The following CFAP221 variants were observed in gnomAD, a reference collection of about 807,000 sequenced individuals.
CFAP221 encodes the protein cilia and flagella associated protein 221.
Under a neutral mutation model 113.1 loss-of-function variants are expected in CFAP221, and 97 were observed. The observed-to-expected ratio is 0.86, with a 90% CI of 0.73 to 1.02. The LOEUF (loss-of-function observed/expected upper bound fraction) is 1.02. Ranked by LOEUF, CFAP221 falls within the 50% of genes least tolerant of loss-of-function variation. The probability of loss-of-function intolerance (pLI) is 0.00; values close to 1 mark genes in which losing one functional copy is unlikely to be tolerated. For missense variants in CFAP221, 1,025 were observed against 1,013.4 expected, an observed-to-expected ratio of 1.01 and a Z score of -0.16; for synonymous variants, 331 against 354.4, an observed-to-expected ratio of 0.93 and a Z score of 0.74.
chr2:119,615,678 C>A lies in CFAP221; in HGVS notation c.1379C>A (p.Ala460Glu), dbSNP rs1685473125. ...INNTWLSRSRAQKRFQQVARK... is the reference protein window; with the variant it reads ...INNTWLSRSREQKRFQQVARK... ...AACACTTGGCTCAGCAGGTCCAGGG[C>A]ACAAAAACGGTTTCAACAAGTAGCA... Residue 460 changes from alanine to glutamate, a missense_variant, in exon 14 of 24, where the codon GCA becomes GAA. Ala to Glu is a moderately radical substitution (Grantham distance 107, BLOSUM62 -1). Transcript: ENST00000413369. 6.2e-7 allele frequency: 1 copy of A among 1,612,770 alleles called. No homozygotes were observed. The highest frequency in any genetic ancestry group is 1.3e-5 in the African/African-American group (1 of 74,976).
At chr2:119,565,459 A>G (rs1161507045) in intron 6 of CFAP221, among the ~76,000 whole-genome samples, 5 of 152,168 alleles carry the variant, frequency 3.3e-5, no homozygotes, top group Admixed American at 6.5e-5. Context: ...GTTGAGAACA[A>G]TGATTTATAA....
intron 6 of CFAP221, among the ~76,000 whole-genome samples, chr2:119,574,420 A>G (rs760570376): frequency 6.6e-6 from 1 of 152,240 alleles, no homozygotes; most frequent in Non-Finnish European, 1.5e-5. Flanking sequence ...ACTATTAGAA[A>G]AAGTGTTCAT....
At position 119,604,781 on chromosome 2, in the gene CFAP221, C is replaced by T. The variant is rs993289980; in HGVS notation, c.901C>T (p.Gln301Ter). The change falls in exon 9 of 24, where the codon CAG becomes TAG. Residue 301 changes from glutamine to a stop codon, truncating the protein, a stop_gained. Coordinates refer to ENST00000413369, the MANE Select transcript of CFAP221 (RefSeq NM_001271049.2). LOFTEE classifies it high-confidence loss of function. ...CCGACCGCCAGCGAAGCCGAAGCCT[C>T]AGAAGGTGAAGGTACGGTGGGCCTT... is the stretch of plus-strand genomic sequence containing the variant. ...FHRPPAKPKP[Q>*]KVKEIEYQNL... is the part of the protein sequence containing the mutation. 6.4e-6 allele frequency: 10 copies of T among 1,551,628 alleles called. No individual in the cohort carries two copies. The highest frequency in any genetic ancestry group is 2.2e-5 in the Admixed American group (1 of 46,440).
Position 119,627,649 on chromosome 2 carries a change from A to G in CFAP221, c.1517-4A>G, listed in dbSNP as rs201953894. The G allele has an allele frequency of 1.0e-4, 165 of 1,612,816 alleles. 1 individual carries two copies. The African/African-American group carries it at 2.0e-3, about 19-fold the overall frequency. ...CCTAAAAGTGCCCTTTTTTTCACCC[A>G]TAGAGGCGAATTTCTTCAAATTCTT... On this transcript the variant is annotated splice_polypyrimidine_tract_variant and splice_region_variant and intron_variant, in intron 15 of 23. Coordinates refer to ENST00000413369, the MANE Select transcript of CFAP221 (RefSeq NM_001271049.2).
chr2:119,621,015 G>C (rs183534331), intron 14 of CFAP221, among the ~76,000 whole-genome samples: 1 of 151,706 alleles, frequency 6.6e-6, no homozygotes, highest in African/African-American at 2.4e-5. Context: ...ACCTCAGGTC[G>C]GGAGTTCGAG....
intron 19 of CFAP221, among the ~76,000 whole-genome samples, chr2:119,631,458 A>C (rs903698641): frequency 6.6e-5 from 10 of 152,216 alleles, no homozygotes; most frequent in Non-Finnish European, 1.3e-4. Flanking sequence ...AGATCATTTG[A>C]GGTCAGGAGT....
chr2:119,635,762 C>T (rs577007788), intron 19 of CFAP221, among the ~76,000 whole-genome samples: 7 of 152,136 alleles, frequency 4.6e-5, no homozygotes, highest in Admixed American at 6.5e-5. Context: ...TGGTTACAAC[C>T]GGTGAAGCAT....
At chr2:119,602,743 T>C in intron 8 of CFAP221, 2 of 985,458 alleles carry the variant, frequency 2.0e-6, no homozygotes, top group South Asian at 4.7e-5. Context: ...CTGCTGATTT[T>C]TCTGGTGGCA....
At chr2:119,587,011 G>A (rs1268223848) in intron 6 of CFAP221, 108 bp from the exon 7 acceptor site, 1 of 724,366 alleles carries the variant, frequency 1.4e-6, no homozygotes, top group Non-Finnish European at 2.1e-6. Context: ...ATCAGCATTG[G>A]CAGTCATCAT....
At chr2:119,601,112 A>C in intron 7 of CFAP221, 106 bp from the exon 8 acceptor site, 1 of 1,168,490 alleles carries the variant, frequency 8.6e-7, no homozygotes. Flanking sequence ...CAGTGCCCCT[A>C]ATCTCCACAT....
chr2:119,572,830 A>AT (rs1574032642), intron 6 of CFAP221: 2 of 437,892 alleles, frequency 4.6e-6, no homozygotes, highest in Non-Finnish European at 8.2e-6. Context: ...TCTCAAGGCT[A>AT]TAGAGGCTCT....
chr2:119,594,437 G>A (rs1048522649), intron 7 of CFAP221, among the ~76,000 whole-genome samples: 3 of 151,842 alleles, frequency 2.0e-5, no homozygotes, highest in Non-Finnish European at 4.4e-5. Flanking sequence ...GTAGAGATGG[G>A]GTTTCACCAT....
In CFAP221 at chr2:119,586,774, A is replaced by G. The variant is rs139822912; in HGVS notation, c.528-345A>G. 482 of 174,246 alleles carry G rather than the reference A, an allele frequency of 2.8e-3. 4 individuals carry two copies. The highest frequency in any genetic ancestry group is 0.01 in the African/African-American group (443 of 42,432). 10.8% of individuals were successfully genotyped at this position (174,246 alleles called of 1,614,324 possible). ...GAAAATAAACTTAACAGTACTCGAG[A>G]GGTAGCAAGGACAGTGGGGTGAGGA... On this transcript the variant is annotated intron_variant, in intron 6 of 23. Transcript: ENST00000413369.
chr2:119,624,146 A>T (rs1367505795), intron 14 of CFAP221, among the ~76,000 whole-genome samples: 1 of 152,180 alleles, frequency 6.6e-6, no homozygotes, highest in African/African-American at 2.4e-5. Context: ...TATCCAGAAT[A>T]TACAAGGAAC....
chr2:119,603,965 A>G (rs894626571), intron 8 of CFAP221, among the ~76,000 whole-genome samples: 2 of 152,192 alleles, frequency 1.3e-5, no homozygotes, highest in African/African-American at 4.8e-5. Flanking sequence ...GATCCCAAAC[A>G]TTAGTCTGAG....
At chr2:119,619,935 A>T (rs937189137) in intron 14 of CFAP221, among the ~76,000 whole-genome samples, 1 of 152,202 alleles carries the variant, frequency 6.6e-6, no homozygotes, top group Admixed American at 6.5e-5. Context: ...CGAGAACTTC[A>T]TGAAGAATAC....
intron 1 of CFAP221, 25 bp downstream of exon 1, chr2:119,544,535 C>T (rs1223800885): frequency 6.6e-6 from 1 of 152,028 alleles, no homozygotes; most frequent in Non-Finnish European, 1.5e-5. Context: ...ACCTGGGGCC[C>T]GGGTGGCCCA....
At chr2:119,605,781 C>G (rs1425973706) in intron 11 of CFAP221, among the ~76,000 whole-genome samples, 2 of 151,832 alleles carry the variant, frequency 1.3e-5, no homozygotes, top group African/African-American at 4.8e-5. Context: ...TTTTTTTTAC[C>G]AGATCAGACC....
downstream of CFAP221, among the ~76,000 whole-genome samples, chr2:119,657,176 C>A (rs965921108): frequency 2.0e-5 from 3 of 152,146 alleles, no homozygotes; most frequent in Non-Finnish European, 2.9e-5. Flanking sequence ...GTTATAATAA[C>A]CCAAAATTAT....
Sources: allele counts gnomAD v4.1 joint callset (sites outside exome capture counted in the v4.1 genomes callset), GRCh38; gene constraint gnomAD v4.1.1; transcripts MANE v1.5; gene names NCBI Gene and HGNC (gene_info 2026-07-23, HGNC 2026-07-21).